Variants in SGSM1 observed in about 807,000 individuals in gnomAD.
SGSM1 encodes RUN and TBC1 domain containing 2.
SGSM1 carries 73 observed loss-of-function variants against 133.8 expected under a neutral mutation model. The ratio of observed to expected loss-of-function variants is 0.55; its 90% confidence interval spans 0.45 to 0.66. The LOEUF (loss-of-function observed/expected upper bound fraction) is 0.66. SGSM1 is among the 30% of genes least tolerant of loss of function. SGSM1 has a pLI of 0.00. For missense variants in SGSM1, 1,213 were observed against 1,448.1 expected (o/e 0.84, Z 2.64); for synonymous variants, 563 against 573.0 (o/e 0.98, Z 0.25).
intron 16 of SGSM1, among the ~76,000 whole-genome samples, chr22:24,886,987 A>AT (rs773959271): frequency 1.3e-5 from 2 of 152,122 alleles, no homozygotes; most frequent in Non-Finnish European, 2.9e-5. Context: ...CTTTTACCCA[A>AT]TTTTTTTCTG....
At chr22:24,821,722 C>CT (rs1022800361) in intron 2 of SGSM1, among the ~76,000 whole-genome samples, 9 of 152,094 alleles carry the variant, frequency 5.9e-5, no homozygotes, top group African/African-American at 9.7e-5. Flanking sequence ...AAGGACATTG[C>CT]TTTCTTATTT....
chr22:24,888,063 G>A (rs998603021), intron 16 of SGSM1, among the ~76,000 whole-genome samples: 2 of 152,078 alleles, frequency 1.3e-5, no homozygotes, highest in African/African-American at 4.8e-5. Flanking sequence ...TTTTCCTGTG[G>A]AGTTGGAGAG....
At chr22:24,858,654 A>AAAAAAAAAG (rs1268815477) in intron 8 of SGSM1, among the ~76,000 whole-genome samples, 20 of 142,746 alleles carry the variant, frequency 1.4e-4, no homozygotes, top group Admixed American at 2.1e-4. Context: ...AAAAAAAAAA[A>AAAAAAAAAG]AAGAAGAAAG....
At chr22:24,807,804 A>G (rs962424132) in intron 2 of SGSM1, among the ~76,000 whole-genome samples, 1 of 151,762 alleles carries the variant, frequency 6.6e-6, no homozygotes, top group Non-Finnish European at 1.5e-5. Flanking sequence ...TTCCCTGCAC[A>G]GTGGCAGACA....
chr22:24,916,957 C>A (rs1276610670), intron 22 of SGSM1, among the ~76,000 whole-genome samples: 1 of 152,022 alleles, frequency 6.6e-6, no homozygotes, highest in Non-Finnish European at 1.5e-5. Flanking sequence ...TAGTTCATTG[C>A]AGCCTTGAAC....
At chr22:24,839,364 C>T (rs1316115807) in intron 2 of SGSM1, among the ~76,000 whole-genome samples, 4 of 152,096 alleles carry the variant, frequency 2.6e-5, no homozygotes, top group Non-Finnish European at 5.9e-5. Context: ...GGACAGTGAC[C>T]GACCATGTTC....
chr22:24,841,140 G>A (rs560196903), intron 2 of SGSM1, among the ~76,000 whole-genome samples: 239 of 152,280 alleles, frequency 1.6e-3, no homozygotes, highest in African/African-American at 5.1e-3. Context: ...GTGAGCCACC[G>A]TGCCCTGCTG....
In SGSM1 at chr22:24,898,385, T is replaced by C. The variant is rs767612222; in HGVS notation, c.2436T>C (p.Val812=). ...TGGCCCTGCCTGAAAAGGACGATGTTGTGATGGAGGGCTGGAGGAGCAGCG... is the reference window on the plus strand; with the variant it reads ...TGGCCCTGCCTGAAAAGGACGATGTCGTGATGGAGGGCTGGAGGAGCAGCG... ...LDMALPEKDD[V]VMEGWRSSET... is the part of the protein sequence containing the mutation. The change falls in exon 19 of 25, where the codon GTT becomes GTC. Residue 812 remains valine (V), a synonymous_variant. Transcript: ENST00000400358. 114 of 1,613,418 alleles carry C rather than the reference T, an allele frequency of 7.1e-5. No individual in the cohort carries two copies. Among genetic ancestry groups the C allele is most frequent in the South Asian group, 4.5e-4 (41 of 91,024 alleles).
intron 2 of SGSM1, chr22:24,814,153 A>C (rs1312233359): frequency 6.6e-6 from 1 of 152,180 alleles, no homozygotes; most frequent in Non-Finnish European, 1.5e-5. Context: ...GAATTTGCCA[A>C]GTATTTATTC....
At chr22:24,817,473 C>T (rs57371705) in intron 2 of SGSM1, among the ~76,000 whole-genome samples, 2,786 of 152,152 alleles carry the variant, frequency 0.018, 94 homozygotes, top group African/African-American at 0.063. Context: ...CTGCCTCAGC[C>T]TCCTAAGTAG....
At chr22:24,854,921 A>C in intron 5 of SGSM1, 75 bp from the exon 6 acceptor site, 3 of 1,212,576 alleles carry the variant, frequency 2.5e-6, no homozygotes, top group Non-Finnish European at 3.6e-6. Flanking sequence ...GACACTGGGG[A>C]TTGAACTCTC....
chr22:24,847,821 G>A (rs1245411919), intron 4 of SGSM1, 25 bp downstream of exon 4: 4 of 1,609,098 alleles, frequency 2.5e-6, no homozygotes, highest in Non-Finnish European at 3.4e-6. Context: ...TGGGGCACAG[G>A]TGGGAGCAGC....
chr22:24,889,411 CT>C (rs535610385), intron 16 of SGSM1, among the ~76,000 whole-genome samples: 9,424 of 136,716 alleles, frequency 0.069, 919 homozygotes, highest in African/African-American at 0.23. Flanking sequence ...AAATGTATTT[CT>C]TTTTTTTTTT....
At chr22:24,922,889 AG>A (rs1360294293) in intron 24 of SGSM1, among the ~76,000 whole-genome samples, 1 of 152,206 alleles carries the variant, frequency 6.6e-6, no homozygotes, top group Non-Finnish European at 1.5e-5. Flanking sequence ...GCACTTGGGC[AG>A]GCCAAGGTGG....
At chr22:24,912,078 A>C (rs912930305) in intron 21 of SGSM1, among the ~76,000 whole-genome samples, 7 of 149,358 alleles carry the variant, frequency 4.7e-5, no homozygotes, top group African/African-American at 1.8e-4. Flanking sequence ...AAAAAAAAAA[A>C]AACTATCAAG....
At chr22:24,839,077 A>T (rs918115900) in intron 2 of SGSM1, among the ~76,000 whole-genome samples, 3 of 152,142 alleles carry the variant, frequency 2.0e-5, no homozygotes, top group Non-Finnish European at 4.4e-5. Flanking sequence ...TTATTTTGAG[A>T]TAGAGTCTTG....
chr22:24,846,846 GTT>G (rs1015538854), intron 3 of SGSM1, among the ~76,000 whole-genome samples: 2 of 145,704 alleles, frequency 1.4e-5, no homozygotes, highest in Non-Finnish European at 3.0e-5. Flanking sequence ...GTTTTTTGGG[GTT>G]TTTTTTTTTT....
intron 4 of SGSM1, among the ~76,000 whole-genome samples, chr22:24,848,279 G>T (rs531192567): frequency 6.6e-6 from 1 of 152,002 alleles, no homozygotes; most frequent in Non-Finnish European, 1.5e-5. Flanking sequence ...TTGAGTGAGT[G>T]CCTGCTAGGA....
chr22:24,876,506 G>A, intron 12 of SGSM1, 71 bp from the exon 13 acceptor site: 1 of 1,594,434 alleles, frequency 6.3e-7, no homozygotes, highest in Non-Finnish European at 8.6e-7. Flanking sequence ...GCTTGCTCTA[G>A]GGTGAGATTT....
Sources: allele counts gnomAD v4.1 joint callset (sites outside exome capture counted in the v4.1 genomes callset), GRCh38; gene constraint gnomAD v4.1.1; transcripts MANE v1.5; gene names NCBI Gene and HGNC (gene_info 2026-07-23, HGNC 2026-07-21).